The following SAXO1 variants were observed in gnomAD, a reference collection of about 807,000 sequenced individuals.
SAXO1 encodes 4930500O09Rik.
In SAXO1, 21 loss-of-function variants were observed where a neutral mutation model predicts 17.5. The ratio of observed to expected loss-of-function variants is 1.20; its 90% CI spans 0.85 to 1.72. The LOEUF is 1.72. Ranked by LOEUF, SAXO1 falls within the 40% of genes most tolerant of loss-of-function variation. The pLI is 0.00. For synonymous variants in SAXO1, 274 were observed against 216.5 expected, an observed-to-expected ratio of 1.27 and a Z score of -2.33; for missense variants, 843 against 596.0, an observed-to-expected ratio of 1.41 and a Z score of -4.32.
intron 1 of SAXO1, among the ~76,000 whole-genome samples, chr9:19,028,704 A>T (rs532694093): frequency 1.3e-5 from 2 of 152,314 alleles, no homozygotes; most frequent in East Asian, 3.9e-4. Flanking sequence ...AAAGAAGTAG[A>T]GCATTGTTGT....
At chr9:18,996,991 T>C (rs890997059) in intron 1 of SAXO1, among the ~76,000 whole-genome samples, 7 of 151,990 alleles carry the variant, frequency 4.6e-5, no homozygotes, top group South Asian at 4.2e-4. Flanking sequence ...GATGGCCGAA[T>C]AGGAACAGCT....
upstream of SAXO1, among the ~76,000 whole-genome samples, chr9:19,037,976 T>G (rs1835983466): frequency 6.6e-6 from 1 of 152,130 alleles, no homozygotes; most frequent in Non-Finnish European, 1.5e-5. Context: ...GGACAAAGAA[T>G]AAGAATAAAT....
chr9:18,989,020 A>G (rs1017459124), intron 1 of SAXO1, among the ~76,000 whole-genome samples: 1 of 152,176 alleles, frequency 6.6e-6, no homozygotes, highest in African/African-American at 2.4e-5. Flanking sequence ...TATTTTAATA[A>G]GAAGTAAGAT....
At chr9:18,947,308 G>C (rs1831840006) in intron 2 of SAXO1, among the ~76,000 whole-genome samples, 1 of 152,094 alleles carries the variant, frequency 6.6e-6, no homozygotes, top group Non-Finnish European at 1.5e-5. Flanking sequence ...CTGACCTTTG[G>C]GGAGGATACT....
chr9:19,026,561 G>A (rs1271428342), intron 1 of SAXO1, among the ~76,000 whole-genome samples: 5 of 152,144 alleles, frequency 3.3e-5, no homozygotes, highest in African/African-American at 1.2e-4. Context: ...ATCTGGGAAA[G>A]AACAGCTCAA....
intron 1 of SAXO1, among the ~76,000 whole-genome samples, chr9:19,026,235 T>A (rs1027444987): frequency 6.6e-6 from 1 of 152,188 alleles, no homozygotes; most frequent in South Asian, 2.1e-4. Flanking sequence ...TGTACAATCA[T>A]TATGTATCAA....
intron 1 of SAXO1, among the ~76,000 whole-genome samples, chr9:19,043,310 T>C (rs1040317114): frequency 2.0e-5 from 3 of 152,202 alleles, no homozygotes; most frequent in Non-Finnish European, 2.9e-5. Flanking sequence ...AGACAAACTC[T>C]GCATGTTCTC....
rs779225865 is a variant in SAXO1, at chr9:18,928,496, C to T, written c.981G>A (p.Gln327=). 1.2e-6 allele frequency: 2 copies of T among 1,613,622 alleles called. No individual in the cohort carries two copies. Among genetic ancestry groups the T allele is most frequent in the East Asian group, 2.2e-5 (1 of 44,852 alleles). ...CTTCAAAGCGACCGCACTTCTTAAT[C>T]TGAAGTGCAGGTCGGCAGGACTGAG... ...APAQSCRPAL[Q]IKKCGRFEGS... The change falls in exon 4 of 4, where the codon CAG becomes CAA. Residue 327 remains glutamine (Q), a synonymous_variant. Transcript: ENST00000380534.
Position 19,009,233 on chromosome 9 carries a change from A to T in SAXO1, c.38+23638T>A, listed in dbSNP as rs1270640616. Among the ~76,000 whole-genome samples, 7 of 116,124 alleles carry T rather than the reference A, an allele frequency of 6.0e-5. No homozygotes were observed. In the South Asian group the frequency reaches 2.0e-3, roughly 33 times the overall value. 76.2% of individuals were successfully genotyped at this position (116,124 alleles called of 152,430 possible). A position where few individuals can be genotyped will look rare whatever the true frequency, so the allele number is the denominator to read the frequency against. On this transcript the variant is annotated intron_variant, in intron 1 of 3. Transcript: ENST00000380534. ...AAAAAAATCTTCACATTGTTTTTCAAATCTGCCAAATTTAAAAAAAAAATT... is the reference window on the plus strand; with the variant it reads ...AAAAAAATCTTCACATTGTTTTTCATATCTGCCAAATTTAAAAAAAAAATT...
At chr9:18,969,036 C>A (rs894865191) in intron 1 of SAXO1, among the ~76,000 whole-genome samples, 1 of 139,308 alleles carries the variant, frequency 7.2e-6, no homozygotes, top group Non-Finnish European at 1.5e-5. Context: ...GAAATGGGGG[C>A]CCACTCTGTT....
chr9:19,016,551 T>G (rs1264581297), intron 1 of SAXO1, among the ~76,000 whole-genome samples: 1 of 149,880 alleles, frequency 6.7e-6, no homozygotes, highest in Non-Finnish European at 1.5e-5. Flanking sequence ...TGTGGCAATG[T>G]GCAGACACAT....
In SAXO1 at chr9:18,937,929, CAT is replaced by C. The variant is rs536428063; in HGVS notation, c.421+3706_421+3707del. 7.9e-5 allele frequency among the ~76,000 whole-genome samples: 12 copies of C among 152,340 alleles called. No homozygotes were observed. In the East Asian group the frequency reaches 2.3e-3, roughly 29 times the overall value. On this transcript the variant is annotated intron_variant, in intron 3 of 3. Transcript: ENST00000380534. ...TCAAAAAAAAACCTCATAAGACACACATGTTGCAAACTGGTACCCATAGGTTA... is the reference window on the plus strand; with the variant it reads ...TCAAAAAAAAACCTCATAAGACACACGTTGCAAACTGGTACCCATAGGTTA...
Position 19,001,353 on chromosome 9 carries a change from C to T in SAXO1, c.38+31518G>A, listed in dbSNP as rs191112826. Among the ~76,000 whole-genome samples, 119 of 152,176 alleles carry T rather than the reference C, an allele frequency of 7.8e-4. 1 individual carries two copies. The highest frequency in any genetic ancestry group is 1.2e-3 in the Non-Finnish European group (80 of 67,996). On this transcript the variant is annotated intron_variant, in intron 1 of 3. Coordinates refer to ENST00000380534, the MANE Select transcript of SAXO1 (RefSeq NM_153707.4). ...TCCTGAATGGCTACTGGGTACATAA[C>T]GAAATGAAGGCAGAAATAAAGATGT...
intron 1 of SAXO1, among the ~76,000 whole-genome samples, chr9:18,967,701 T>A (rs1198575770): frequency 6.6e-6 from 1 of 152,150 alleles, no homozygotes; most frequent in Non-Finnish European, 1.5e-5. Context: ...GAGGATCCGC[T>A]GAGCAAGACC....
chr9:18,990,822 A>G (rs2131841358), intron 1 of SAXO1, among the ~76,000 whole-genome samples: 1 of 152,296 alleles, frequency 6.6e-6, no homozygotes, highest in African/African-American at 2.4e-5. Context: ...TGAGAACCTA[A>G]TGCCTGATGA....
chr9:19,002,371 G>T (rs1019509134), intron 1 of SAXO1, among the ~76,000 whole-genome samples: 1 of 152,122 alleles, frequency 6.6e-6, no homozygotes, highest in Non-Finnish European at 1.5e-5. Flanking sequence ...AGAAAAAGAG[G>T]GACTCCTCTC....
chr9:19,009,082 C>G (rs928389686), intron 1 of SAXO1, among the ~76,000 whole-genome samples: 11 of 152,006 alleles, frequency 7.2e-5, no homozygotes, highest in African/African-American at 2.7e-4. Flanking sequence ...TTAATCAGTA[C>G]CCCCACACAG....
At chr9:19,003,572 G>A (rs1246890012) in intron 1 of SAXO1, among the ~76,000 whole-genome samples, 2 of 152,106 alleles carry the variant, frequency 1.3e-5, no homozygotes, top group Admixed American at 6.6e-5. Flanking sequence ...TAGAACAGAG[G>A]CCTCAGAAAT....
At chr9:18,973,363 G>C (rs1833022368) in intron 1 of SAXO1, among the ~76,000 whole-genome samples, 1 of 152,198 alleles carries the variant, frequency 6.6e-6, no homozygotes, top group Admixed American at 6.5e-5. Context: ...CTGCCATACA[G>C]CTGCACATCT....
Sources: allele counts gnomAD v4.1 joint callset (sites outside exome capture counted in the v4.1 genomes callset), GRCh38; gene constraint gnomAD v4.1.1; transcripts MANE v1.5; gene names NCBI Gene and HGNC (gene_info 2026-07-23, HGNC 2026-07-21).